The following CARMIL1 variants were observed in gnomAD, a reference collection of about 807,000 sequenced individuals.
CARMIL1 encodes capping protein regulator and myosin 1 linker 1.
In CARMIL1, 90 loss-of-function variants were observed where a neutral mutation model predicts 177.1. The ratio of observed to expected loss-of-function variants is 0.51; its 90% CI spans 0.43 to 0.61. The LOEUF is 0.61. Among genes scored for constraint, CARMIL1 ranks in the 20% least tolerant of loss-of-function variants. CARMIL1 has a pLI of 0.00. For synonymous variants in CARMIL1, 577 were observed against 606.2 expected (o/e 0.95, Z 0.71); for missense variants, 1,380 against 1,667.0 (o/e 0.83, Z 3.00).
intron 2 of CARMIL1, among the ~76,000 whole-genome samples, chr6:25,322,128 G>A (rs1340669029): frequency 6.6e-6 from 1 of 150,900 alleles, no homozygotes; most frequent in African/African-American, 2.4e-5. Context: ...TGGTGTTTTT[G>A]TTTTTGTTTT....
chr6:25,604,019 C>T (rs976475728), intron 33 of CARMIL1, among the ~76,000 whole-genome samples: 2 of 152,114 alleles, frequency 1.3e-5, no homozygotes, highest in Non-Finnish European at 2.9e-5. Flanking sequence ...TTTCAGGACC[C>T]CTTTCACCTG....
chr6:25,423,890 G>A (rs1796073844), intron 3 of CARMIL1, among the ~76,000 whole-genome samples: 1 of 152,106 alleles, frequency 6.6e-6, no homozygotes, highest in Non-Finnish European at 1.5e-5. Flanking sequence ...TTCTTAACTG[G>A]TCTTCCTGCC....
At chr6:25,442,418 T>C (rs954891031) in intron 5 of CARMIL1, among the ~76,000 whole-genome samples, 1 of 151,862 alleles carries the variant, frequency 6.6e-6, no homozygotes, top group Non-Finnish European at 1.5e-5. Flanking sequence ...ATGGTACTTA[T>C]TGGACAACAA....
At chr6:25,392,668 A>G (rs1581784450) in intron 2 of CARMIL1, among the ~76,000 whole-genome samples, 2 of 152,308 alleles carry the variant, frequency 1.3e-5, no homozygotes, top group East Asian at 3.9e-4. Flanking sequence ...ATACATTTGG[A>G]AAATCTGAAT....
At chr6:25,584,650 G>A (rs1304218608) in intron 31 of CARMIL1, among the ~76,000 whole-genome samples, 1 of 151,672 alleles carries the variant, frequency 6.6e-6, no homozygotes, top group African/African-American at 2.4e-5. Context: ...TTAGACAAAG[G>A]GGGTATGATC....
In CARMIL1 at chr6:25,540,077, AG is replaced by A; in HGVS notation, c.2328+1del. On this transcript the variant is annotated frameshift_variant and splice_region_variant, in exon 26 of 37. Coordinates refer to ENST00000329474, the MANE Select transcript of CARMIL1 (RefSeq NM_017640.6). LOFTEE classifies it high-confidence loss of function. ...EVTRVVDEQL[K>X]ALLESMVDAA... Reference sequence around the variant, plus strand: ...ACAAGAGTAGTAGATGAACAACTAAAGGTTTGTGGGGTTTGTTATTTGGGAA... The same window carrying A: ...ACAAGAGTAGTAGATGAACAACTAAAGTTTGTGGGGTTTGTTATTTGGGAA... 1 of 1,590,538 alleles carries A rather than the reference AG, an allele frequency of 6.3e-7. No homozygotes were observed.
At chr6:25,500,107 T>A (rs1463343259) in intron 16 of CARMIL1, 59 bp from the exon 17 acceptor site, 2 of 1,489,384 alleles carry the variant, frequency 1.3e-6, no homozygotes, top group African/African-American at 2.8e-5. Context: ...TGTGCTTGCA[T>A]TTTTTCTTTT....
chr6:25,582,528 C>T (rs1228004831), intron 31 of CARMIL1, among the ~76,000 whole-genome samples: 6 of 152,296 alleles, frequency 3.9e-5, no homozygotes, highest in African/African-American at 1.2e-4. Flanking sequence ...TATAAGCCTG[C>T]CCTTCTCATA....
At chr6:25,446,684 G>A (rs1798264505) in intron 5 of CARMIL1, among the ~76,000 whole-genome samples, 1 of 152,058 alleles carries the variant, frequency 6.6e-6, no homozygotes, top group African/African-American at 2.4e-5. Context: ...TTGCAATTTT[G>A]CTAATTTTTT....
At chr6:25,290,163 A>C (rs925318095) in intron 2 of CARMIL1, among the ~76,000 whole-genome samples, 1 of 152,070 alleles carries the variant, frequency 6.6e-6, no homozygotes, top group African/African-American at 2.4e-5. Flanking sequence ...TGACATGAAC[A>C]CAGCTCCCTG....
chr6:25,507,763 C>T (rs1026804300), intron 17 of CARMIL1, among the ~76,000 whole-genome samples: 18 of 152,184 alleles, frequency 1.2e-4, no homozygotes, highest in African/African-American at 3.6e-4. Flanking sequence ...GAAGACTTAA[C>T]GCATTTACGT....
intron 2 of CARMIL1, among the ~76,000 whole-genome samples, chr6:25,325,582 T>C (rs1442881951): frequency 2.0e-5 from 3 of 152,226 alleles, no homozygotes; most frequent in Non-Finnish European, 4.4e-5. Context: ...TAAAAAATTA[T>C]GTTAGCTAGA....
intron 8 of CARMIL1, among the ~76,000 whole-genome samples, chr6:25,450,951 C>CCTCTCCTCTT (rs1798816399): frequency 4.7e-5 from 1 of 21,236 alleles, no homozygotes; most frequent in Non-Finnish European, 9.5e-5. Context: ...CCTCTCCTCT[C>CCTCTCCTCTT]CTCTCCTCTC....
chr6:25,380,209 G>A (rs1272164717), intron 2 of CARMIL1, among the ~76,000 whole-genome samples: 4 of 152,086 alleles, frequency 2.6e-5, no homozygotes, highest in Non-Finnish European at 5.9e-5. Context: ...AATCTCCGAC[G>A]TTATTTTAAA....
At chr6:25,431,513 C>T (rs1221480216) in intron 4 of CARMIL1, among the ~76,000 whole-genome samples, 2 of 148,924 alleles carry the variant, frequency 1.3e-5, no homozygotes, top group Non-Finnish European at 3.0e-5. Flanking sequence ...AATGATCACT[C>T]GTGAATGATG....
At chr6:25,430,965 ATT>A (rs1161529478) in intron 4 of CARMIL1, among the ~76,000 whole-genome samples, 1 of 151,924 alleles carries the variant, frequency 6.6e-6, no homozygotes, top group Non-Finnish European at 1.5e-5. Context: ...CTCTTTTTCC[ATT>A]TCAGTCAGGT....
chr6:25,372,257 A>AT (rs144631305), intron 2 of CARMIL1, among the ~76,000 whole-genome samples: 22,753 of 151,204 alleles, frequency 0.15, 1,746 homozygotes, highest in African/African-American at 0.2. Flanking sequence ...TTCCATATGA[A>AT]TTTTTTTTTC....
At chr6:25,537,710 T>G in intron 24 of CARMIL1, 145 bp from the exon 25 acceptor site, 4 of 858,910 alleles carry the variant, frequency 4.7e-6, no homozygotes, top group Non-Finnish European at 6.9e-6. Flanking sequence ...TCTCAGTGAC[T>G]CCAGTTAGAA....
chr6:25,377,407 ACTT>A (rs1175831027), intron 2 of CARMIL1, among the ~76,000 whole-genome samples: 1 of 152,064 alleles, frequency 6.6e-6, no homozygotes. Context: ...GATGTCATGT[ACTT>A]CTTCTTCCCT....
Sources: allele counts gnomAD v4.1 joint callset (sites outside exome capture counted in the v4.1 genomes callset), GRCh38; gene constraint gnomAD v4.1.1; transcripts MANE v1.5; gene names NCBI Gene and HGNC (gene_info 2026-07-23, HGNC 2026-07-21).